The following TTLL4 variants were observed in gnomAD, a reference collection of about 807,000 sequenced individuals.
The protein encoded by TTLL4 is tubulin monoglutamylase TTLL4.
A neutral mutation model predicts 122.7 loss-of-function variants in TTLL4; 85 were observed. That is an observed-to-expected ratio of 0.69 (90% CI 0.58 to 0.83). The LOEUF (loss-of-function observed/expected upper bound fraction) is 0.83, where lower values mean the gene tolerates loss of function less well. Among genes scored for constraint, TTLL4 ranks in the 40% least tolerant of loss-of-function variants. TTLL4 has a pLI of 0.00. For missense variants in TTLL4, 1,363 were observed against 1,488.6 expected (o/e 0.92, Z 1.39); for synonymous variants, 553 against 563.0 (o/e 0.98, Z 0.25).
Position 218,739,005 on chromosome 2 carries a change from C to T in TTLL4, c.1329C>T (p.Ser443=), listed in dbSNP as rs1342714653. 1 of 1,614,192 alleles carries T rather than the reference C, an allele frequency of 6.2e-7. No homozygotes were observed. The highest frequency in any genetic ancestry group is 8.5e-7 in the Non-Finnish European group (1 of 1,180,032). The part of the protein sequence containing the change: ...HNPACESVID[S]SAFGEGKAPG... ...CTGCCTGTGAATCTGTAATTGACTC[C>T]TCAGCATTTGGAGAAGGCAAAGCTC... Residue 443 remains serine, a synonymous_variant, in exon 3 of 20, where the codon TCC becomes TCT. Transcript: ENST00000392102.
intron 2 of TTLL4, among the ~76,000 whole-genome samples, chr2:218,732,767 A>G (rs1942416116): frequency 6.6e-6 from 1 of 152,212 alleles, no homozygotes; most frequent in Non-Finnish European, 1.5e-5. Flanking sequence ...TCTGGGACCC[A>G]AGCTGCCTGA....
At position 218,750,272 on chromosome 2, in the gene TTLL4, C is replaced by T; in HGVS notation, c.2873+126C>T. ...CCCTTGCTGCTCAATCTTGCCCCTA[C>T]AGTCCACTAACATGCTACCATGCCA... On this transcript the variant is annotated intron_variant, in intron 15 of 19. Transcript: ENST00000392102. 6 of 1,330,884 alleles carry T rather than the reference C, an allele frequency of 4.5e-6. No individual in the cohort carries two copies. In the South Asian group the frequency reaches 8.6e-5, roughly 19 times the overall value. 82.4% of individuals were successfully genotyped at this position (1,330,884 alleles called of 1,614,324 possible).
rs527973964 is a variant in TTLL4, at chr2:218,727,294, A to G, written c.-152A>G. 1.3e-5 allele frequency: 2 copies of G among 151,960 alleles called. No individual in the cohort carries two copies. Among genetic ancestry groups the G allele is most frequent in the South Asian group, 4.2e-4 (2 of 4,804 alleles). The allele number at this position is 151,960 out of a possible 1,614,324, so 9.4% of individuals were successfully genotyped here. On this transcript the variant is annotated 5_prime_UTR_variant, in exon 2 of 20. The change creates a new upstream start codon in the 5' untranslated region. Transcript: ENST00000392102. ...ATAGACTGTCTTCAAGCTCACTGAT[A>G]TTTTCCTCTGCTTGATCCATTGTGC...
At position 218,738,710 on chromosome 2, in the gene TTLL4, C is replaced by G; in HGVS notation, c.1034C>G (p.Ala345Gly). Residue 345 changes from alanine to glycine, a missense_variant, in exon 3 of 20, where the codon GCA becomes GGA. Physicochemically the swap from Ala to Gly is moderately conservative, Grantham distance 60. Coordinates refer to ENST00000392102, the MANE Select transcript of TTLL4 (RefSeq NM_014640.5). ...RFTEAVRKLT[A>G]RGFEKMPRQG... ...ACTGAGGCCGTGAGGAAATTGACCG[C>G]AAGAGGCTTTGAGAAGATGCCGAGG... 6.2e-7 allele frequency: 1 copy of G among 1,614,194 alleles called. No homozygotes were observed. Among genetic ancestry groups the G allele is most frequent in the Non-Finnish European group, 8.5e-7 (1 of 1,180,052 alleles).
Position 218,753,337 on chromosome 2 carries a change from AT to A in TTLL4, c.3258+153del, listed in dbSNP as rs1425659832. On this transcript the variant is annotated intron_variant, in intron 18 of 19. Transcript: ENST00000392102. ...CTCACCATTCTTTCCTTTCAAGGGA[AT>A]AGTTGCCTCCAGGATTCCCTGGGTA... 5 of 966,118 alleles carry A rather than the reference AT, an allele frequency of 5.2e-6. No individual in the cohort carries two copies. In the African/African-American group the frequency reaches 6.5e-5, roughly 13 times the overall value. The allele number at this position is 966,118 out of a possible 1,614,324, so 59.8% of individuals were successfully genotyped here.
chr2:218,727,959 G>C (rs1327516954), intron 2 of TTLL4: 1 of 152,080 alleles, frequency 6.6e-6, no homozygotes, highest in Non-Finnish European at 1.5e-5. Flanking sequence ...GCTTGTTATT[G>C]GATATGTTTG....
chr2:218,736,026 GA>G (rs1425273419), intron 2 of TTLL4, among the ~76,000 whole-genome samples: 5 of 145,014 alleles, frequency 3.4e-5, no homozygotes, highest in Non-Finnish European at 7.4e-5. Flanking sequence ...CCAGGCTGGA[GA>G]GCAGTGGTGC....
chr2:218,758,044 A>C (rs141743617), downstream of TTLL4, among the ~76,000 whole-genome samples: 9 of 152,308 alleles, frequency 5.9e-5, no homozygotes, highest in Middle Eastern at 3.4e-3. Flanking sequence ...CCCCTGTAGC[A>C]GAGTTTGCCC....
chr2:218,730,206 G>T (rs990875176), intron 2 of TTLL4, among the ~76,000 whole-genome samples: 1 of 150,818 alleles, frequency 6.6e-6, no homozygotes, highest in African/African-American at 2.4e-5. Context: ...GGTGGCTCAT[G>T]CCTGTAATCC....
rs756603180 is a variant in TTLL4 at position 218,738,469 on chromosome 2, C to T, written c.793C>T (p.Pro265Ser). 1.2e-6 allele frequency: 2 copies of T among 1,614,182 alleles called. No individual in the cohort carries two copies. The highest frequency in any genetic ancestry group is 2.2e-5 in the South Asian group (2 of 91,078). ...SGGTGDCAPQ[P>S]VDHKVPKSIG... ...GGGTACTGGAGACTGTGCACCGCAG[C>T]CTGTTGACCATAAGGTGCCCAAAAG... The change falls in exon 3 of 20, where the codon CCT (proline) becomes TCT (serine). Residue 265 changes from proline to serine, a missense_variant. Coordinates refer to ENST00000392102, the MANE Select transcript of TTLL4 (RefSeq NM_014640.5).
chr2:218,712,542 ACGCT>A (rs1360516430), intron 1 of TTLL4, among the ~76,000 whole-genome samples: 3 of 152,020 alleles, frequency 2.0e-5, no homozygotes, highest in Admixed American at 2.0e-4. Context: ...GCATGCTGCC[ACGCT>A]CGGTTAATTT....
intron 5 of TTLL4, 83 bp downstream of exon 5, chr2:218,740,667 T>A: frequency 1.3e-6 from 2 of 1,507,318 alleles, no homozygotes; most frequent in Non-Finnish European, 1.8e-6. Context: ...CTCAAGTCAT[T>A]AATGGCCTGG....
intron 1 of TTLL4, among the ~76,000 whole-genome samples, chr2:218,716,885 G>A (rs557537681): frequency 1.5e-4 from 23 of 152,242 alleles, no homozygotes; most frequent in African/African-American, 5.5e-4. Flanking sequence ...ATCTAATTTC[G>A]TGCCATCGTC....
intron 1 of TTLL4, among the ~76,000 whole-genome samples, chr2:218,721,415 A>G (rs1942036817): frequency 1.3e-5 from 2 of 152,194 alleles, no homozygotes; most frequent in South Asian, 2.1e-4. Flanking sequence ...ACAGGTCACA[A>G]CCTGTGCCTT....
chr2:218,746,734 T>C, intron 8 of TTLL4: 1 of 493,180 alleles, frequency 2.0e-6, no homozygotes, highest in Non-Finnish European at 3.6e-6. Context: ...TCCCATAGGG[T>C]TTCATGGATA....
chr2:218,729,060 G>A lies in TTLL4; in HGVS notation c.-99+1713G>A, dbSNP rs1942280021. ...AGATGCTCCTGCCTCAGCCTCCCAA[G>A]TAGCTGGGATTATGGATGCCCACCA... On this transcript the variant is annotated intron_variant, in intron 2 of 19. Transcript: ENST00000392102. Among the ~76,000 whole-genome samples the A allele has an allele frequency of 2.0e-5, 3 of 151,336 alleles. No individual in the cohort carries two copies. The South Asian group carries it at 6.3e-4, about 32-fold the overall frequency.
chr2:218,750,919 G>A (rs979966785), intron 15 of TTLL4, among the ~76,000 whole-genome samples: 3 of 152,216 alleles, frequency 2.0e-5, no homozygotes, highest in African/African-American at 4.8e-5. Context: ...CTCTAGAGAG[G>A]AGGGAGTTTA....
At chr2:218,745,641 T>G (rs1286837271) in intron 6 of TTLL4, 50 bp from the exon 7 acceptor site, 1 of 1,260,540 alleles carries the variant, frequency 7.9e-7, no homozygotes, top group East Asian at 2.5e-5. Context: ...TCATCATGAC[T>G]CTCTGCTCCT....
chr2:218,740,611 T>C (rs781062325), intron 5 of TTLL4, 27 bp downstream of exon 5: 1 of 1,611,442 alleles, frequency 6.2e-7, no homozygotes, highest in Admixed American at 1.7e-5. Context: ...AGATCATTGT[T>C]ACATGCTCAT....
Sources: gnomAD v4.1 joint callset for allele counts (sites outside exome capture counted in the v4.1 genomes callset) on GRCh38, gnomAD v4.1.1 for gene constraint, MANE v1.5 for transcripts, NCBI Gene and HGNC (gene_info 2026-07-23, HGNC 2026-07-21) for gene names.